Variants in SOCS7 observed in about 807,000 individuals in gnomAD.
The protein encoded by SOCS7 is suppressor of cytokine signaling 7.
In SOCS7, 18 loss-of-function variants were observed where a neutral mutation model predicts 58.9. That is an observed-to-expected ratio of 0.31 (90% confidence interval 0.21 to 0.45). The LOEUF (loss-of-function observed/expected upper bound fraction) is 0.45, where lower values mean the gene tolerates loss of function less well. Among genes scored for constraint, SOCS7 ranks in the 20% least tolerant of loss-of-function variants. The pLI is 1.00. For synonymous variants in SOCS7, 388 were observed against 364.3 expected (o/e 1.06, Z -0.74); for missense variants, 667 against 837.3 (o/e 0.80, Z 2.51).
chr17:38,360,751 G>T (rs1357547526), intron 1 of SOCS7, among the ~76,000 whole-genome samples: 1 of 152,088 alleles, frequency 6.6e-6, no homozygotes, highest in African/African-American at 2.4e-5. Context: ...GTGTTAGCCA[G>T]GATGGTCTTG....
At chr17:38,364,465 G>C (rs1555567990) in intron 2 of SOCS7, among the ~76,000 whole-genome samples, 1 of 152,202 alleles carries the variant, frequency 6.6e-6, no homozygotes, top group East Asian at 1.9e-4. Flanking sequence ...TTGTTTGAGG[G>C]TACGTTGTAA....
chr17:38,396,701 A>C (rs1047962791), intron 9 of SOCS7, among the ~76,000 whole-genome samples: 2 of 152,224 alleles, frequency 1.3e-5, no homozygotes, highest in Non-Finnish European at 2.9e-5. Context: ...TTTAAATTGC[A>C]CTAAAGTGAA....
At chr17:38,357,346 T>C (rs1041056074) in intron 1 of SOCS7, among the ~76,000 whole-genome samples, 3 of 152,246 alleles carry the variant, frequency 2.0e-5, no homozygotes, top group Non-Finnish European at 2.9e-5. Flanking sequence ...TGTTGATCTT[T>C]TTAACTATTT....
At chr17:38,384,622 C>T (rs1002551686) in intron 7 of SOCS7, among the ~76,000 whole-genome samples, 16 of 151,716 alleles carry the variant, frequency 1.1e-4, no homozygotes, top group African/African-American at 2.4e-4. Context: ...GATGGAGTCT[C>T]CCTCTGTCAC....
At position 38,353,026 on chromosome 17, in the gene SOCS7, C is replaced by G. The variant is rs781498494; in HGVS notation, c.974C>G (p.Ala325Gly). 6.3e-7 allele frequency: 1 copy of G among 1,585,966 alleles called. No homozygotes were observed. Among genetic ancestry groups the G allele is most frequent in the South Asian group, 1.1e-5 (1 of 88,224 alleles). The change falls in exon 1 of 10, where the codon GCG (alanine) becomes GGG (glycine). Residue 325 changes from alanine to glycine, a missense_variant. Coordinates refer to ENST00000612932, the MANE Select transcript of SOCS7 (RefSeq NM_014598.4). ...GGCTCTGCGGGCCGGGAGCTGGACG[C>G]GGGGAGGTGAGACCGGCCGGGGGCT... ...MGGSAGRELD[A>G]GRKPKLTRTQ... is the part of the protein sequence containing the mutation.
intron 7 of SOCS7, among the ~76,000 whole-genome samples, chr17:38,387,991 C>T (rs2038102813): frequency 6.6e-6 from 1 of 151,740 alleles, no homozygotes; most frequent in South Asian, 2.1e-4. Flanking sequence ...AGGCTGGTCT[C>T]GAACTCCTGA....
chr17:38,385,675 A>G (rs2038059927), intron 7 of SOCS7, among the ~76,000 whole-genome samples: 2 of 151,982 alleles, frequency 1.3e-5, no homozygotes, highest in African/African-American at 4.8e-5. Flanking sequence ...CTATAGTTTG[A>G]TATTGCTCAT....
intron 9 of SOCS7, among the ~76,000 whole-genome samples, chr17:38,398,830 C>T (rs190141728): frequency 1.8e-4 from 28 of 152,212 alleles, no homozygotes; most frequent in Middle Eastern, 3.4e-3. Flanking sequence ...TGATGGTTCA[C>T]GTCTGTAATC....
At chr17:38,365,045 C>T (rs1287687456) in intron 3 of SOCS7, among the ~76,000 whole-genome samples, 189 bp downstream of exon 3, 4 of 152,184 alleles carry the variant, frequency 2.6e-5, no homozygotes, top group Non-Finnish European at 5.9e-5. Flanking sequence ...GTAATACTTA[C>T]TATACATATA....
chr17:38,386,719 C>CT (rs1462916610), intron 7 of SOCS7, among the ~76,000 whole-genome samples: 1 of 152,066 alleles, frequency 6.6e-6, no homozygotes, highest in African/African-American at 2.4e-5. Context: ...ATGCTTGACT[C>CT]TTTTTCTTTA....
At chr17:38,380,896 A>G (rs1190466472) in intron 7 of SOCS7, among the ~76,000 whole-genome samples, 1 of 152,080 alleles carries the variant, frequency 6.6e-6, no homozygotes, top group Non-Finnish European at 1.5e-5. Context: ...AAATAAAATA[A>G]TACATGAGAC....
At chr17:38,390,705 CTGTCT>C (rs1234151395) in intron 7 of SOCS7, among the ~76,000 whole-genome samples, 1 of 136,198 alleles carries the variant, frequency 7.3e-6, no homozygotes, top group Non-Finnish European at 1.6e-5. Flanking sequence ...CTCTTTCTTT[CTGTCT>C]TTTTTTTTTT....
Position 38,366,405 on chromosome 17 carries a change from A to G in SOCS7, c.1371A>G (p.Arg457=). The change falls in exon 5 of 10, where the codon CGA becomes CGG. Residue 457 remains arginine (R), a synonymous_variant. Transcript: ENST00000612932. ...CGAGCAGCTTTGCAGCCAGCCTTCG[A>G]GAGTTGGAGAAGGTAGGTGGTACCT... ...PDSSSFAASL[R]ELEKCGWYWG... The G allele has an allele frequency of 6.2e-7, 1 of 1,614,200 alleles. No homozygotes were observed. The highest frequency in any genetic ancestry group is 2.2e-5 in the East Asian group (1 of 44,880).
At chr17:38,386,922 A>G (rs1237132541) in intron 7 of SOCS7, among the ~76,000 whole-genome samples, 4 of 150,274 alleles carry the variant, frequency 2.7e-5, no homozygotes, top group Admixed American at 6.7e-5. Flanking sequence ...CGTCTCTACT[A>G]AAAAATAGAA....
chr17:38,364,633 G>A (rs2037763431), intron 2 of SOCS7, 119 bp from the exon 3 acceptor site: 2 of 754,888 alleles, frequency 2.6e-6, no homozygotes, highest in Non-Finnish European at 4.6e-6. Flanking sequence ...ATTAGGTTTT[G>A]AGCTTTCTGA....
At chr17:38,368,225 G>C (rs756367254) in intron 6 of SOCS7, among the ~76,000 whole-genome samples, 175 bp downstream of exon 6, 5 of 152,180 alleles carry the variant, frequency 3.3e-5, no homozygotes, top group Non-Finnish European at 5.9e-5. Flanking sequence ...AGAAATGGAG[G>C]GGGTAGGGAA....
At chr17:38,386,680 A>G (rs532911237) in intron 7 of SOCS7, among the ~76,000 whole-genome samples, 144 of 152,222 alleles carry the variant, frequency 9.5e-4, no homozygotes, top group African/African-American at 3.3e-3. Context: ...TTTATTATTT[A>G]CCAAATTCAT....
In SOCS7 at chr17:38,352,730, G is replaced by C. The variant is rs1162197890; in HGVS notation, c.678G>C (p.Val226=). 1.1e-5 allele frequency: 17 copies of C among 1,549,846 alleles called. No homozygotes were observed. Among genetic ancestry groups the C allele is most frequent in the Non-Finnish European group, 1.5e-5 (17 of 1,146,934 alleles). ...CCCCAGGCCCTGAATTACCTCCGGT[G>C]CCCTTCCCGCTGCAGGACTTGGTCC... is the stretch of plus-strand genomic sequence containing the variant. The part of the protein sequence containing the change: ...LQPPGPELPP[V]PFPLQDLVPL... Residue 226 remains valine (V), a synonymous_variant, in exon 1 of 10, where the codon GTG becomes GTC. Transcript: ENST00000612932. This position sits in a 1 kb window ranked among gnomAD's most constrained non-coding sequence, Gnocchi z 5.5.
At chr17:38,389,906 T>TAGAG (rs772399580) in intron 7 of SOCS7, among the ~76,000 whole-genome samples, 23 of 103,470 alleles carry the variant, frequency 2.2e-4, no homozygotes, top group African/African-American at 9.4e-4. Context: ...TATACACATA[T>TAGAG]AGAGAGAGAG....
Sources: gnomAD v4.1 joint callset for allele counts (sites outside exome capture counted in the v4.1 genomes callset) on GRCh38, gnomAD v4.1.1 for gene constraint, Gnocchi (gnomAD v3.1) non-coding constraint, MANE v1.5 for transcripts, NCBI Gene and HGNC (gene_info 2026-07-23, HGNC 2026-07-21) for gene names.